The following CLPB variants were observed in gnomAD, a reference collection of about 807,000 sequenced individuals.
The protein encoded by CLPB is ClpB family mitochondrial disaggregase, also known as mitochondrial disaggregase.
In CLPB, 40 loss-of-function variants were observed where a neutral mutation model predicts 78.4. That is an observed-to-expected ratio of 0.51 (90% CI 0.40 to 0.66). CLPB has a LOEUF of 0.66. Ranked by LOEUF, CLPB falls within the 30% of genes least tolerant of loss-of-function variation. The probability of loss-of-function intolerance (pLI) is 0.00; values close to 1 mark genes in which losing one functional copy is unlikely to be tolerated. For synonymous variants in CLPB, 333 were observed against 348.0 expected (o/e 0.96, Z 0.48); for missense variants, 780 against 886.9 (o/e 0.88, Z 1.53).
At position 72,295,645 on chromosome 11, in the gene CLPB, G is replaced by A. The variant is rs1949538918; in HGVS notation, c.1333C>T (p.Arg445Trp). The A allele has an allele frequency of 1.9e-6, 3 of 1,613,836 alleles. No individual in the cohort carries two copies. The highest frequency in any genetic ancestry group is 2.5e-6 in the Non-Finnish European group (3 of 1,179,940). Reference sequence around the variant, plus strand: ...GTCTTCCCTTTTCCATCTGTCAGCCGGCCCTGGGAAGGGAAGGAAGGGAGT... The same window carrying A: ...GTCTTCCCTTTTCCATCTGTCAGCCAGCCCTGGGAAGGGAAGGAAGGGAGT... ...TIMLQLFDEG[R>W]LTDGKGKTID... is the part of the protein sequence containing the mutation. The change falls in exon 12 of 16, where the codon CGG (arginine) becomes TGG (tryptophan). Residue 445 changes from arginine to tryptophan, a missense_variant. This residue lies in a region of CLPB where 91 missense variants were observed against 168.2 expected (regional missense o/e 0.54). Coordinates refer to ENST00000538039, the MANE Select transcript of CLPB (RefSeq NM_001258392.3).
chr11:72,334,735 G>C (rs541698374), intron 5 of CLPB, among the ~76,000 whole-genome samples: 1 of 152,352 alleles, frequency 6.6e-6, no homozygotes, highest in Non-Finnish European at 1.5e-5. Flanking sequence ...GCAAGTGAAA[G>C]GGCTGGATGG....
intron 4 of CLPB, among the ~76,000 whole-genome samples, chr11:72,366,803 T>C (rs1950951634): frequency 6.6e-6 from 1 of 152,188 alleles, no homozygotes; most frequent in South Asian, 2.1e-4. Context: ...GTTCAGCCAC[T>C]ATGGAAAGCT....
At chr11:72,347,501 G>C (rs1950538209) in intron 5 of CLPB, among the ~76,000 whole-genome samples, 1 of 152,114 alleles carries the variant, frequency 6.6e-6, no homozygotes, top group African/African-American at 2.4e-5. Flanking sequence ...CTAATGTCAA[G>C]GGAAAAGATA....
intron 6 of CLPB, among the ~76,000 whole-genome samples, chr11:72,326,237 G>T (rs894965879): frequency 6.6e-6 from 1 of 152,140 alleles, no homozygotes; most frequent in East Asian, 1.9e-4. Flanking sequence ...TTGGTAGGAG[G>T]GCTAGAGTCT....
chr11:72,309,270 C>A (rs1372922989), intron 7 of CLPB, among the ~76,000 whole-genome samples: 1 of 152,104 alleles, frequency 6.6e-6, no homozygotes, highest in Non-Finnish European at 1.5e-5. Flanking sequence ...AGATAGGTAC[C>A]AGGTTCCTTG....
rs1209601483 is a variant in CLPB, at chr11:72,312,070, G to C, written c.989-3466C>G. ...GGCAGGAGTTACAGGATCTAGCATG[G>C]AGTCCCGCCTCTGTCACTTACCAGC... On this transcript the variant is annotated intron_variant, in intron 7 of 15. Transcript: ENST00000538039. The surrounding 1 kb of genome is among the most constrained non-coding windows in gnomAD (Gnocchi z 4.2). Among the ~76,000 whole-genome samples the C allele has an allele frequency of 6.6e-6, 1 of 152,144 alleles. No homozygotes were observed. The highest frequency in any genetic ancestry group is 1.5e-5 in the Non-Finnish European group (1 of 68,044).
At chr11:72,318,658 G>A (rs1949992904) in intron 6 of CLPB, among the ~76,000 whole-genome samples, 1 of 152,162 alleles carries the variant, frequency 6.6e-6, no homozygotes, top group Non-Finnish European at 1.5e-5. Flanking sequence ...TTACAGTAGT[G>A]ACCTTGACAG....
chr11:72,333,297 T>C (rs1421364421), intron 5 of CLPB, among the ~76,000 whole-genome samples: 2 of 152,248 alleles, frequency 1.3e-5, no homozygotes, highest in Non-Finnish European at 2.9e-5. Flanking sequence ...TCCTAACTAC[T>C]GGGCAAGTCC....
chr11:72,297,117 G>C (rs1453673674), intron 11 of CLPB, among the ~76,000 whole-genome samples: 1 of 152,216 alleles, frequency 6.6e-6, no homozygotes, highest in Non-Finnish European at 1.5e-5. Context: ...TGCTAGGGAG[G>C]AGATCTACCT....
At chr11:72,295,693 C>T in intron 11 of CLPB, 45 bp from the exon 12 acceptor site, 1 of 1,598,490 alleles carries the variant, frequency 6.3e-7, no homozygotes, top group Non-Finnish European at 8.6e-7. Flanking sequence ...AGCTATGTGC[C>T]TGGGCAGGCC....
chr11:72,343,929 ATAAT>A (rs1458983974), intron 5 of CLPB, among the ~76,000 whole-genome samples: 1 of 152,158 alleles, frequency 6.6e-6, no homozygotes, highest in East Asian at 1.9e-4. Flanking sequence ...TGCTGACTGA[ATAAT>A]TATGGCCCCA....
At chr11:72,352,025 C>T (rs1376352499) in intron 5 of CLPB, among the ~76,000 whole-genome samples, 6 of 152,218 alleles carry the variant, frequency 3.9e-5, no homozygotes, top group Non-Finnish European at 4.4e-5. Flanking sequence ...GATCCCCTCA[C>T]GGCCTCTCCC....
chr11:72,412,822 G>C (rs1855916285), intron 2 of CLPB, among the ~76,000 whole-genome samples: 1 of 152,194 alleles, frequency 6.6e-6, no homozygotes, highest in South Asian at 2.1e-4. Flanking sequence ...GTGAATACTT[G>C]CTGGATCAAC....
At chr11:72,315,428 T>C (rs546172662) in intron 7 of CLPB, among the ~76,000 whole-genome samples, 82 of 152,184 alleles carry the variant, frequency 5.4e-4, no homozygotes, top group Non-Finnish European at 9.4e-4. Context: ...ATGCCAAGGC[T>C]CTGGCTTGCA....
intron 4 of CLPB, among the ~76,000 whole-genome samples, chr11:72,366,120 C>T (rs1950937213): frequency 1.3e-5 from 2 of 152,176 alleles, no homozygotes; most frequent in Non-Finnish European, 2.9e-5. Context: ...AGTAAACAGA[C>T]AACTTATAGA....
At chr11:72,348,505 C>T (rs1379016050) in intron 5 of CLPB, among the ~76,000 whole-genome samples, 1 of 152,162 alleles carries the variant, frequency 6.6e-6, no homozygotes, top group Non-Finnish European at 1.5e-5. Context: ...TGCTGCCTCA[C>T]CTGAAAAGCT....
intron 6 of CLPB, among the ~76,000 whole-genome samples, chr11:72,319,474 T>C (rs561151844): frequency 6.6e-6 from 1 of 152,228 alleles, no homozygotes; most frequent in East Asian, 1.9e-4. Flanking sequence ...GCTGTCTCCA[T>C]CTGAGGTTTG....
chr11:72,329,154 G>A (rs1295678898), intron 6 of CLPB, among the ~76,000 whole-genome samples: 2 of 152,162 alleles, frequency 1.3e-5, no homozygotes, highest in African/African-American at 4.8e-5. Context: ...ACTTAGCCCT[G>A]TTTTCAGGAG....
chr11:72,383,910 C>A (rs73530750), intron 3 of CLPB, among the ~76,000 whole-genome samples: 2,791 of 152,156 alleles, frequency 0.018, 89 homozygotes, highest in African/African-American at 0.064. Context: ...TAATTAGCAA[C>A]ACAAAAACAA....
Sources: gnomAD v4.1 joint callset for allele counts (sites outside exome capture counted in the v4.1 genomes callset) on GRCh38, gnomAD v4.1.1 for gene constraint, gnomAD v4.1.1 regional missense constraint, Gnocchi (gnomAD v3.1) non-coding constraint, MANE v1.5 for transcripts, NCBI Gene and HGNC (gene_info 2026-07-23, HGNC 2026-07-21) for gene names.